ACOT8: variants seen among roughly 807,000 people sequenced by gnomAD.
ACOT8 encodes the protein acyl-CoA thioesterase 8.
ACOT8 carries 31 observed loss-of-function variants against 38.4 expected under a neutral mutation model. That is an observed-to-expected ratio of 0.81 (90% confidence interval 0.61 to 1.09). The LOEUF (loss-of-function observed/expected upper bound fraction) is 1.09. ACOT8 is among the 50% of genes least tolerant of loss of function. The pLI is 0.00. For synonymous variants in ACOT8, 158 were observed against 170.3 expected, an observed-to-expected ratio of 0.93 and a Z score of 0.56; for missense variants, 373 against 421.8, an observed-to-expected ratio of 0.88 and a Z score of 1.01.
At chr20:45,848,378 G>A (rs544989448) in intron 3 of ACOT8, 72 bp downstream of exon 3, 2 of 1,348,628 alleles carry the variant, frequency 1.5e-6, no homozygotes, top group East Asian at 4.7e-5. Context: ...ACCCACTAAA[G>A]GATTCTATGA....
chr20:45,842,277 A>C (rs1410178237), intron 5 of ACOT8: 2 of 1,429,196 alleles, frequency 1.4e-6, no homozygotes, highest in East Asian at 5.0e-5. Context: ...CTCCTCCCAC[A>C]GGAACCCCAG....
intron 4 of ACOT8, 97 bp downstream of exon 4, chr20:45,844,166 G>T: frequency 6.5e-7 from 1 of 1,527,110 alleles, no homozygotes. Flanking sequence ...TAAGGAAACA[G>T]GCCCAGAGAA....
At chr20:45,854,498 C>T (rs963660909) in intron 2 of ACOT8, among the ~76,000 whole-genome samples, 8 of 152,158 alleles carry the variant, frequency 5.3e-5, no homozygotes, top group African/African-American at 9.6e-5. Flanking sequence ...CGTGAGCCAC[C>T]GCGCCCGGCC....
chr20:45,851,234 G>A (rs1985036248), intron 2 of ACOT8, among the ~76,000 whole-genome samples: 1 of 152,188 alleles, frequency 6.6e-6, no homozygotes, highest in South Asian at 2.1e-4. Flanking sequence ...TTCTATCAGA[G>A]TGCGAGCTCC....
intron 4 of ACOT8, 108 bp from the exon 5 acceptor site, chr20:45,843,829 T>G (rs1984460782): frequency 6.7e-7 from 1 of 1,502,240 alleles, no homozygotes. Context: ...GACTGGTTGC[T>G]GCACAAGAGC....
rs1351026744 is a variant in ACOT8 at position 45,841,907 on chromosome 20, G to A, written c.891C>T (p.Val297=). 1.2e-6 allele frequency: 2 copies of A among 1,612,614 alleles called. No homozygotes were observed. The highest frequency in any genetic ancestry group is 1.7e-5 in the Admixed American group (1 of 59,914). The change falls in exon 6 of 6, where the codon GTC becomes GTT. Residue 297 remains valine, a synonymous_variant. Transcript: ENST00000217455. ...CCTCCTGGGCACAGGTCACAGCTAG[G>A]ACTCCATCCTGACGCCACAGCCGCC... The part of the protein sequence containing the change: ...VHGRLWRQDG[V]LAVTCAQEGV...
chr20:45,848,118 G>A (rs4613344), intron 3 of ACOT8, among the ~76,000 whole-genome samples: 18,208 of 151,842 alleles, frequency 0.12, 2,241 homozygotes, highest in African/African-American at 0.31. Context: ...CTATGTTGGC[G>A]AGGCTAGTAT....
intron 2 of ACOT8, among the ~76,000 whole-genome samples, chr20:45,854,401 G>A (rs197674): frequency 0.15 from 22,318 of 152,104 alleles, 2,392 homozygotes; most frequent in African/African-American, 0.31. Flanking sequence ...TAGTAGAGAC[G>A]GGGTTTCACC....
intron 5 of ACOT8, chr20:45,843,168 G>A (rs550624009): frequency 1.2e-4 from 66 of 561,286 alleles, no homozygotes; most frequent in African/African-American, 1.1e-3. Context: ...GATGGACTGC[G>A]GGTTTGGATA....
intron 3 of ACOT8, 92 bp downstream of exon 3, chr20:45,848,358 G>T: frequency 9.2e-7 from 1 of 1,091,138 alleles, no homozygotes; most frequent in Non-Finnish European, 1.3e-6. Flanking sequence ...TTTTAAAAAT[G>T]CTGGTCAAGA....
In ACOT8 at chr20:45,844,203, A is replaced by G. The variant is rs1296450044; in HGVS notation, c.646+60T>C. 5 of 1,609,604 alleles carry G rather than the reference A, an allele frequency of 3.1e-6. No individual in the cohort carries two copies. In the South Asian group the frequency reaches 5.5e-5, roughly 18 times the overall value. Reference sequence around the variant, plus strand: ...GGAACTCATGTGCCCAAGGCCACACAGCAAATGAGTGGTAGACCCCTTGGA... The same window carrying G: ...GGAACTCATGTGCCCAAGGCCACACGGCAAATGAGTGGTAGACCCCTTGGA... On this transcript the variant is annotated intron_variant, in intron 4 of 5. Coordinates refer to ENST00000217455, the MANE Select transcript of ACOT8 (RefSeq NM_005469.4).
At chr20:45,851,126 A>G (rs1985028771) in intron 2 of ACOT8, among the ~76,000 whole-genome samples, 1 of 152,198 alleles carries the variant, frequency 6.6e-6, no homozygotes, top group South Asian at 2.1e-4. Context: ...TGGGGAGTCA[A>G]CCAGGCACCA....
chr20:45,848,284 A>G (rs1984818542), intron 3 of ACOT8, among the ~76,000 whole-genome samples, 166 bp downstream of exon 3: 1 of 152,168 alleles, frequency 6.6e-6, no homozygotes. Context: ...CAAGTTTCAC[A>G]AAAGGATTCT....
chr20:45,850,886 A>T (rs1275281444), intron 2 of ACOT8, among the ~76,000 whole-genome samples: 1 of 152,094 alleles, frequency 6.6e-6, no homozygotes. Flanking sequence ...CACCACCACC[A>T]GAGTAGAAGG....
Position 45,857,341 on chromosome 20 carries a change from C to A in ACOT8, c.-26G>T. 1 of 1,577,798 alleles carries A rather than the reference C, an allele frequency of 6.3e-7. No homozygotes were observed. The highest frequency in any genetic ancestry group is 8.6e-7 in the Non-Finnish European group (1 of 1,163,274). On this transcript the variant is annotated 5_prime_UTR_variant, in exon 1 of 6. Coordinates refer to ENST00000217455, the MANE Select transcript of ACOT8 (RefSeq NM_005469.4). ...CTAGTTCAATGCTGCAGGCCCTGCA[C>A]ACCCGCTCCGCGGAAGACGCGGAGA...
chr20:45,855,021 C>T, intron 2 of ACOT8, 138 bp downstream of exon 2: 3 of 1,224,292 alleles, frequency 2.5e-6, no homozygotes, highest in African/African-American at 1.5e-5. Context: ...ACCCTAGACA[C>T]CTCTTAGGGT....
Position 45,844,309 on chromosome 20 carries a change from T to C in ACOT8, c.600A>G (p.Arg200=), listed in dbSNP as rs574506544. 8.7e-6 allele frequency: 14 copies of C among 1,614,198 alleles called. No homozygotes were observed. In the African/African-American group the frequency reaches 1.3e-4, roughly 15 times the overall value. The change falls in exon 4 of 6, where the codon AGA becomes AGG. Residue 200 remains arginine, a synonymous_variant. Transcript: ENST00000217455. ...CCCAGAACATCTGTTTGGGCTCCAT[T>C]CTCTGCAGCTGGCTCAGGGGGGATG... ...VNPSPLSQLQ[R]MEPKQMFWVR...
At chr20:45,843,137 G>T in intron 5 of ACOT8, 2 of 876,694 alleles carry the variant, frequency 2.3e-6, no homozygotes, top group Non-Finnish European at 3.0e-6. Context: ...ATTTTGAAAA[G>T]GCATCCCCAA....
intron 3 of ACOT8, 38 bp from the exon 4 acceptor site, chr20:45,844,458 G>A: frequency 6.2e-7 from 1 of 1,604,638 alleles, no homozygotes; most frequent in Middle Eastern, 1.7e-4. Flanking sequence ...TGAGACCCAG[G>A]AAGAGAGGGA....
Sources: allele counts gnomAD v4.1 joint callset (sites outside exome capture counted in the v4.1 genomes callset), GRCh38; gene constraint gnomAD v4.1.1; transcripts MANE v1.5; gene names NCBI Gene and HGNC (gene_info 2026-07-23, HGNC 2026-07-21).